LAMB4: variants seen among roughly 807,000 people sequenced by gnomAD.
LAMB4 encodes the protein laminin subunit beta-4.
In LAMB4, 196 loss-of-function variants were observed where a neutral mutation model predicts 199.2. That is an observed-to-expected ratio of 0.98 (90% CI 0.88 to 1.11). The LOEUF (loss-of-function observed/expected upper bound fraction) is 1.11. LAMB4 is among the 50% of genes least tolerant of loss of function. LAMB4 has a pLI of 0.00. For missense variants in LAMB4, 2,080 were observed against 2,171.2 expected (o/e 0.96, Z 0.83); for synonymous variants, 744 against 770.6 (o/e 0.97, Z 0.57).
chr7:108,125,818 G>A (rs377726112), intron 1 of LAMB4, among the ~76,000 whole-genome samples: 15 of 152,206 alleles, frequency 9.9e-5, no homozygotes, highest in African/African-American at 3.6e-4. Context: ...GGGGAACAAA[G>A]CTTCCTCAGT....
At chr7:108,057,410 CA>C (rs764677883) in intron 24 of LAMB4, among the ~76,000 whole-genome samples, 11 of 151,902 alleles carry the variant, frequency 7.2e-5, no homozygotes, top group Non-Finnish European at 1.3e-4. Flanking sequence ...TTGAATGGGG[CA>C]AGGGAATGAG....
rs1255208453 is a variant in LAMB4, at chr7:108,035,632, AC to A, written c.4680-1287del. 1.4e-3 allele frequency among the ~76,000 whole-genome samples: 208 copies of A among 150,346 alleles called. 1 individual carries two copies. The highest frequency in any genetic ancestry group is 5.9e-3 in the South Asian group (28 of 4,770). On this transcript the variant is annotated intron_variant, in intron 30 of 33. Coordinates refer to ENST00000388781, the MANE Select transcript of LAMB4 (RefSeq NM_007356.3). ...AAAAAAAAAAAAAAAAGAAAAAAAA[AC>A]GTAAGAAGGGGAAAAAATACCAGTA... is the stretch of plus-strand genomic sequence containing the variant.
chr7:108,110,449 G>T (rs1332360915), intron 4 of LAMB4, among the ~76,000 whole-genome samples: 1 of 152,156 alleles, frequency 6.6e-6, no homozygotes, highest in East Asian at 1.9e-4. Flanking sequence ...TGCTCACACG[G>T]GACAGTATGG....
intron 10 of LAMB4, among the ~76,000 whole-genome samples, chr7:108,099,517 G>A (rs1284350331): frequency 6.6e-6 from 1 of 152,186 alleles, no homozygotes; most frequent in Non-Finnish European, 1.5e-5. Context: ...AGGTGTCCAG[G>A]TAGATGTTGA....
chr7:108,027,428 TAGC>T (rs1156914948), intron 33 of LAMB4, among the ~76,000 whole-genome samples: 1 of 152,228 alleles, frequency 6.6e-6, no homozygotes, highest in Admixed American at 6.5e-5. Flanking sequence ...TAACTAATGT[TAGC>T]AGTTTGGTAT....
chr7:108,055,194 T>G (rs2035940554), intron 25 of LAMB4, among the ~76,000 whole-genome samples: 1 of 152,032 alleles, frequency 6.6e-6, no homozygotes, highest in African/African-American at 2.4e-5. Context: ...GCTGTTTTTT[T>G]TTTTTTTTTG....
At chr7:108,028,565 C>A (rs2034919418) in intron 33 of LAMB4, among the ~76,000 whole-genome samples, 1 of 150,976 alleles carries the variant, frequency 6.6e-6, no homozygotes. Flanking sequence ...CAACCTCTGC[C>A]TCCCAGGTTC....
chr7:108,034,694 T>C (rs780499994), intron 30 of LAMB4, among the ~76,000 whole-genome samples: 18 of 152,154 alleles, frequency 1.2e-4, no homozygotes, highest in Non-Finnish European at 2.1e-4. Flanking sequence ...TAAGCTACAC[T>C]TTCTCAATCT....
Position 108,052,038 on chromosome 7 carries a change from G to A in LAMB4, c.3916+59C>T. On this transcript the variant is annotated intron_variant, in intron 26 of 33. Coordinates refer to ENST00000388781, the MANE Select transcript of LAMB4 (RefSeq NM_007356.3). ...GCAGGGGACGACTCACTAATGGAAT[G>A]CACTGTGGATTTCATCAAACTTTGT... is the stretch of plus-strand genomic sequence containing the variant. 2.8e-6 allele frequency: 4 copies of A among 1,435,140 alleles called. No homozygotes were observed. In the South Asian group the frequency reaches 4.0e-5, roughly 15 times the overall value. 88.9% of individuals were successfully genotyped at this position (1,435,140 alleles called of 1,614,324 possible).
chr7:108,123,195 C>A lies in LAMB4; in HGVS notation c.-31G>T. The A allele has an allele frequency of 6.3e-7, 1 of 1,585,200 alleles. No homozygotes were observed. Among genetic ancestry groups the A allele is most frequent in the Non-Finnish European group, 8.6e-7 (1 of 1,163,926 alleles). On this transcript the variant is annotated splice_region_variant and 5_prime_UTR_variant, in exon 2 of 34. It removes the in-frame stop codon of an upstream open reading frame in the 5' UTR. Transcript: ENST00000388781. ...TGTCAGGAGATGATTAAATTCAATT[C>A]TACTGGGTTAAAAAAAGGTTAAAGT...
intron 32 of LAMB4, 59 bp from the exon 33 acceptor site, chr7:108,029,255 A>C (rs1354384666): frequency 2.1e-6 from 3 of 1,435,040 alleles, no homozygotes; most frequent in Non-Finnish European, 2.9e-6. Context: ...ACATATATGC[A>C]TGATGATTCT....
intron 14 of LAMB4, among the ~76,000 whole-genome samples, chr7:108,088,619 T>C (rs1280959226): frequency 1.3e-5 from 2 of 152,240 alleles, no homozygotes; most frequent in Non-Finnish European, 2.9e-5. Context: ...CAATTCTTCA[T>C]AAGATGCAGT....
At chr7:108,058,336 T>C (rs2036052397) in intron 23 of LAMB4, among the ~76,000 whole-genome samples, 1 of 152,254 alleles carries the variant, frequency 6.6e-6, no homozygotes, top group African/African-American at 2.4e-5. Flanking sequence ...CATTATGGAA[T>C]GTATGATGTA....
downstream of LAMB4, among the ~76,000 whole-genome samples, chr7:108,019,256 T>TA (rs778675173): frequency 6.6e-6 from 1 of 152,066 alleles, no homozygotes; most frequent in Non-Finnish European, 1.5e-5. Flanking sequence ...AGGGACAACT[T>TA]ACCTTCCTCA....
intron 8 of LAMB4, among the ~76,000 whole-genome samples, chr7:108,105,380 T>C (rs997436086): frequency 6.6e-6 from 1 of 152,212 alleles, no homozygotes; most frequent in Admixed American, 6.5e-5. Flanking sequence ...CACACAAAAG[T>C]CCTTCAGTAG....
intron 29 of LAMB4, among the ~76,000 whole-genome samples, chr7:108,039,392 AT>A (rs1243713387): frequency 2.6e-5 from 4 of 151,812 alleles, no homozygotes; most frequent in Admixed American, 2.0e-4. Context: ...TGTGACAAGA[AT>A]TTTTTTGTGA....
intron 18 of LAMB4, 25 bp from the exon 19 acceptor site, chr7:108,068,184 T>C: frequency 6.2e-7 from 1 of 1,612,454 alleles, no homozygotes. Flanking sequence ...GGAAGGGAGG[T>C]AGAAATGAAT....
At chr7:108,106,636 C>A in intron 6 of LAMB4, 64 bp from the exon 7 acceptor site, 1 of 776,578 alleles carries the variant, frequency 1.3e-6, no homozygotes, top group South Asian at 1.8e-5. Flanking sequence ...CAAACACACT[C>A]TTTTTTTTTT....
intron 4 of LAMB4, among the ~76,000 whole-genome samples, chr7:108,110,123 G>C (rs965937722): frequency 6.6e-5 from 10 of 152,092 alleles, no homozygotes; most frequent in African/African-American, 2.4e-4. Context: ...TCTGCCTCCC[G>C]GGTCAGGGGA....
Sources: gnomAD v4.1 joint callset for allele counts (sites outside exome capture counted in the v4.1 genomes callset) on GRCh38, gnomAD v4.1.1 for gene constraint, MANE v1.5 for transcripts, NCBI Gene and HGNC (gene_info 2026-07-23, HGNC 2026-07-21) for gene names.